ZBTB3: variants seen among roughly 807,000 people sequenced by gnomAD.
ZBTB3 encodes zinc finger and BTB domain containing 3.
A neutral mutation model predicts 30.6 loss-of-function variants in ZBTB3; 15 were observed. The ratio of observed to expected loss-of-function variants is 0.49; its 90% CI spans 0.33 to 0.75. ZBTB3 has a LOEUF of 0.75. ZBTB3 is among the 30% of genes least tolerant of loss of function. The probability of loss-of-function intolerance (pLI) is 0.02; values close to 1 mark genes in which losing one functional copy is unlikely to be tolerated. For missense variants in ZBTB3, 599 were observed against 652.1 expected (o/e 0.92, Z 0.89); for synonymous variants, 258 against 261.7 (o/e 0.99, Z 0.14).
At chr11:62,753,794 C>G (rs373071045) in intron 1 of ZBTB3, 79 bp from the exon 2 acceptor site, 1 of 1,538,514 alleles carries the variant, frequency 6.5e-7, no homozygotes. Context: ...CTTGCCACTC[C>G]AAAACAATCG....
Position 62,753,233 on chromosome 11 carries a change from C to T in ZBTB3, c.432G>A (p.Glu144=). 1 of 1,614,196 alleles carries T rather than the reference C, an allele frequency of 6.2e-7. No homozygotes were observed. Among genetic ancestry groups the T allele is most frequent in the Non-Finnish European group, 8.5e-7 (1 of 1,180,048 alleles). ...EETNSQLPSL[E]FLSSTSRGTQ... ...TGCCACGGGAAGTACTAGACAAAAACTCCAAACTAGGAAGCTGTGAGTTGG... is the reference window on the plus strand; with the variant it reads ...TGCCACGGGAAGTACTAGACAAAAATTCCAAACTAGGAAGCTGTGAGTTGG... The change falls in exon 2 of 2, where the codon GAG becomes GAA. Residue 144 remains glutamate (E), a synonymous_variant. Transcript: ENST00000394807.
At position 62,751,899 on chromosome 11, in the gene ZBTB3, C is replaced by A. The variant is rs1037496743; in HGVS notation, c.*191G>T. The A allele has an allele frequency of 2.0e-6, 1 of 512,218 alleles. No individual in the cohort carries two copies. Among genetic ancestry groups the A allele is most frequent in the Non-Finnish European group, 3.3e-6 (1 of 303,240 alleles). The allele number at this position is 512,218 out of a possible 1,614,324, so 31.7% of individuals were successfully genotyped here. A position where few individuals can be genotyped will look rare whatever the true frequency, so the allele number is the denominator to read the frequency against. Reference sequence around the variant, plus strand: ...GCAGTGAGCCGAGATCGCGCCACTGCACTCCAGTCTGGGTGACAGAGTGAG... The same window carrying A: ...GCAGTGAGCCGAGATCGCGCCACTGAACTCCAGTCTGGGTGACAGAGTGAG... On this transcript the variant is annotated 3_prime_UTR_variant, in exon 2 of 2. Transcript: ENST00000394807.
In ZBTB3 at chr11:62,753,959, C is replaced by G. The variant is rs368319142; in HGVS notation, c.-52+5G>C. The G allele has an allele frequency of 6.2e-7, 1 of 1,613,656 alleles. No individual in the cohort carries two copies. The highest frequency in any genetic ancestry group is 1.3e-5 in the African/African-American group (1 of 74,832). ...TTAGCCACCCTCCGCTTCCTTGATG[C>G]CCACCCGGTAGCGTCCAACGGCTCC... On this transcript the variant is annotated splice_donor_5th_base_variant and intron_variant, in intron 1 of 1. Transcript: ENST00000394807.
Position 62,752,633 on chromosome 11 carries a change from T to C in ZBTB3, c.1032A>G (p.Pro344=), listed in dbSNP as rs368352059. 282 of 1,614,110 alleles carry C rather than the reference T, an allele frequency of 1.7e-4. 1 individual carries two copies. The highest frequency in any genetic ancestry group is 3.3e-5 in the Non-Finnish European group (39 of 1,180,054). The stretch of plus-strand genomic sequence containing the variant: ...CTGCCCCTGGGTCTTCAAAAGCCTC[T>C]GGCTGGGAGGGCTGTGCCCCATACA... ...GAVYGAQPSQ[P]EAFEDPGAAG... is the part of the protein sequence containing the mutation. Residue 344 remains proline, a synonymous_variant, in exon 2 of 2, where the codon CCA becomes CCG. Transcript: ENST00000394807.
rs1277357908 is a variant in ZBTB3, at chr11:62,751,360, T to C, written c.*730A>G. The C allele has an allele frequency of 6.9e-6, 1 of 144,568 alleles. No individual in the cohort carries two copies. The highest frequency in any genetic ancestry group is 1.5e-5 in the Non-Finnish European group (1 of 65,696). The allele number at this position is 144,568 out of a possible 1,614,324, so 9.0% of individuals were successfully genotyped here. Reference sequence around the variant, plus strand: ...GGCTCAAGCCTGTAATCCCAGCACTTTGGGAGGCTGAGGCGGGTGGATCAC... The same window carrying C: ...GGCTCAAGCCTGTAATCCCAGCACTCTGGGAGGCTGAGGCGGGTGGATCAC... On this transcript the variant is annotated 3_prime_UTR_variant, in exon 2 of 2. Coordinates refer to ENST00000394807, the MANE Select transcript of ZBTB3 (RefSeq NM_001370809.1).
Position 62,752,212 on chromosome 11 carries a change from G to C in ZBTB3, c.1453C>G (p.Pro485Ala). Reference protein sequence around the residue: ...EDLAKRSKPDPEVGPLLGVQP... With the variant: ...EDLAKRSKPDAEVGPLLGVQP... ...ACCCCTAGAAGGGGTCCCACTTCTGGATCTGGTTTGCTGCGTTTGGCCAGG... is the reference window on the plus strand; with the variant it reads ...ACCCCTAGAAGGGGTCCCACTTCTGCATCTGGTTTGCTGCGTTTGGCCAGG... Residue 485 changes from proline to alanine, a missense_variant, in exon 2 of 2, where the codon CCA (proline) becomes GCA (alanine). Physicochemically the swap from Pro to Ala is conservative, Grantham distance 27 (BLOSUM62 -1). Transcript: ENST00000394807. 1 of 1,614,198 alleles carries C rather than the reference G, an allele frequency of 6.2e-7. No homozygotes were observed. The highest frequency in any genetic ancestry group is 8.5e-7 in the Non-Finnish European group (1 of 1,180,030).
In ZBTB3 at chr11:62,752,576, G is replaced by C. The variant is rs1242540918; in HGVS notation, c.1089C>G (p.His363Gln). ...GTAGATGAGGGTCTGTTGGCAGGAA[G>C]TGGTCACTTGGCCCCACCTCCTCCA... ...AGLEEVGPSD[H>Q]FLPTDPHLPY... Residue 363 changes from histidine (H) to glutamine (Q), a missense_variant, in exon 2 of 2, where the codon CAC (histidine) becomes CAG (glutamine). By Grantham distance (24) the His-to-Gln change is conservative. Coordinates refer to ENST00000394807, the MANE Select transcript of ZBTB3 (RefSeq NM_001370809.1). 2.5e-6 allele frequency: 4 copies of C among 1,614,098 alleles called. No homozygotes were observed. In the African/African-American group the frequency reaches 5.3e-5, roughly 22 times the overall value.
chr11:62,753,823 T>A, intron 1 of ZBTB3, 108 bp from the exon 2 acceptor site: 2 of 1,523,936 alleles, frequency 1.3e-6, no homozygotes, highest in Non-Finnish European at 1.8e-6. Flanking sequence ...ACTGCCCTTC[T>A]TTCTCCTAGG....
chr11:62,752,871 C>T lies in ZBTB3; in HGVS notation c.794G>A (p.Gly265Glu), dbSNP rs143334355. 2 of 1,614,130 alleles carry T rather than the reference C, an allele frequency of 1.2e-6. No homozygotes were observed. The highest frequency in any genetic ancestry group is 1.7e-5 in the Admixed American group (1 of 60,000). The change falls in exon 2 of 2, where the codon GGA (glycine) becomes GAA (glutamate). Residue 265 changes from glycine (G) to glutamate (E), a missense_variant. Transcript: ENST00000394807. ...GGGATAGAAGCCTTGCAGTGGTCCT[C>T]CAGGATCCTTTGGTTCCACCACCCT... ...SLRVVEPKDP[G>E]GPLQGFYPPA...
Position 62,752,468 on chromosome 11 carries a change from C to T in ZBTB3, c.1197G>A (p.Glu399=). ...SPLPAPASLH[E]PLYLSSEYEA... ...CGTACTCAGAAGACAGGTAAAGTGG[C>T]TCATGCAGGGATGCGGGTGCAGGCA... is the stretch of plus-strand genomic sequence containing the variant. Residue 399 remains glutamate (E), a synonymous_variant, in exon 2 of 2, where the codon GAG becomes GAA. Transcript: ENST00000394807. The T allele has an allele frequency of 6.2e-7, 1 of 1,614,186 alleles. No individual in the cohort carries two copies. Among genetic ancestry groups the T allele is most frequent in the Non-Finnish European group, 8.5e-7 (1 of 1,180,046 alleles).
Position 62,751,861 on chromosome 11 carries a change from G to A in ZBTB3, c.*229C>T, listed in dbSNP as rs1156828390. ...GAGGCAGGAGAATGGCGTGAATCGG[G>A]GAGGCTGAGCTTGCAGTGAGCCGAG... On this transcript the variant is annotated 3_prime_UTR_variant, in exon 2 of 2. Transcript: ENST00000394807. The A allele has an allele frequency of 2.8e-6, 1 of 360,298 alleles. No homozygotes were observed. The highest frequency in any genetic ancestry group is 6.1e-5 in the South Asian group (1 of 16,364). 22.3% of individuals were successfully genotyped at this position (360,298 alleles called of 1,614,324 possible).
chr11:62,752,540 C>A lies in ZBTB3; in HGVS notation c.1125G>T (p.Leu375=), dbSNP rs1565178583. ...GATGATACTGCCCTGCACCTGGCAG[C>A]AGATGGTAGGGTAGATGAGGGTCTG... is the stretch of plus-strand genomic sequence containing the variant. ...LPTDPHLPYH[L]LPGAGQYHRG... Residue 375 remains leucine (L), a synonymous_variant, in exon 2 of 2, where the codon CTG becomes CTT. Coordinates refer to ENST00000394807, the MANE Select transcript of ZBTB3 (RefSeq NM_001370809.1). 2 of 1,614,188 alleles carry A rather than the reference C, an allele frequency of 1.2e-6. No individual in the cohort carries two copies. Among genetic ancestry groups the A allele is most frequent in the Non-Finnish European group, 1.7e-6 (2 of 1,180,036 alleles).
In ZBTB3 at chr11:62,751,728, A is replaced by G. The variant is rs941967044; in HGVS notation, c.*362T>C. ...ATCACGAGGTCAGATCTGTCAGAAG[A>G]TCGAGACCATCCTGGCTAACACGGT... On this transcript the variant is annotated 3_prime_UTR_variant, in exon 2 of 2. Coordinates refer to ENST00000394807, the MANE Select transcript of ZBTB3 (RefSeq NM_001370809.1). 3.1e-5 allele frequency: 5 copies of G among 162,804 alleles called. No homozygotes were observed. The highest frequency in any genetic ancestry group is 1.8e-4 in the East Asian group (1 of 5,558). 10.1% of individuals were successfully genotyped at this position (162,804 alleles called of 1,614,324 possible).
chr11:62,754,138 C>G lies in ZBTB3; in HGVS notation c.-226G>C, dbSNP rs1380799096. The G allele has an allele frequency of 1.4e-6, 2 of 1,441,860 alleles. No individual in the cohort carries two copies. Among genetic ancestry groups the G allele is most frequent in the Non-Finnish European group, 1.9e-6 (2 of 1,025,758 alleles). The allele number at this position is 1,441,860 out of a possible 1,614,324, so 89.3% of individuals were successfully genotyped here. ...AGAAAGCTGATACCTCACCCACCAC[C>G]GAGCAGCCACAGGGCGAGCTCCGCC... On this transcript the variant is annotated 5_prime_UTR_variant, in exon 1 of 2. Coordinates refer to ENST00000394807, the MANE Select transcript of ZBTB3 (RefSeq NM_001370809.1).
rs757149785 is a variant in ZBTB3, at chr11:62,752,355, AGTGT to A, written c.1306_1309del (p.Thr436TyrfsTer55). ...TGTGTGCACCGTGGCATGTCGCCGT[AGTGT>A]GTAAGAGCATGAGAAGGTCTTCCCA... On this transcript the variant is annotated frameshift_variant, in exon 2 of 2. Transcript: ENST00000394807. LOFTEE classifies it high-confidence loss of function. 6.2e-7 allele frequency: 1 copy of A among 1,614,156 alleles called. No individual in the cohort carries two copies. The highest frequency in any genetic ancestry group is 1.1e-5 in the South Asian group (1 of 91,090).
In ZBTB3 at chr11:62,754,146, C is replaced by T. The variant is rs2084044243; in HGVS notation, c.-234G>A. ...GATACCTCACCCACCACCGAGCAGC[C>T]ACAGGGCGAGCTCCGCCCCTTCCCA... On this transcript the variant is annotated 5_prime_UTR_variant, in exon 1 of 2. Transcript: ENST00000394807. The T allele has an allele frequency of 2.9e-6, 4 of 1,377,218 alleles. No homozygotes were observed. The highest frequency in any genetic ancestry group is 1.4e-5 in the African/African-American group (1 of 70,300). The allele number at this position is 1,377,218 out of a possible 1,614,324, so 85.3% of individuals were successfully genotyped here.
chr11:62,752,997 C>T lies in ZBTB3; in HGVS notation c.668G>A (p.Ser223Asn). 1.2e-6 allele frequency: 2 copies of T among 1,614,128 alleles called. No individual in the cohort carries two copies. The highest frequency in any genetic ancestry group is 1.7e-6 in the Non-Finnish European group (2 of 1,180,002). Residue 223 changes from serine to asparagine, a missense_variant, in exon 2 of 2, where the codon AGT becomes AAT. By Grantham distance (46) the Ser-to-Asn change is conservative. Transcript: ENST00000394807. ...PVADVSLASP[S>N]SSTETIPTNY... Reference sequence around the variant, plus strand: ...TGTAGGAATGGTCTCAGTGGAGCTACTAGGGCTGGCAAGAGAGACATCAGC... The same window carrying T: ...TGTAGGAATGGTCTCAGTGGAGCTATTAGGGCTGGCAAGAGAGACATCAGC...
rs530594812 is a variant in ZBTB3, at chr11:62,751,186, G to C, written c.*904C>G. On this transcript the variant is annotated 3_prime_UTR_variant, in exon 2 of 2. Coordinates refer to ENST00000394807, the MANE Select transcript of ZBTB3 (RefSeq NM_001370809.1). ...AAGGCCAAGGTGGGCAGATCACCTG[G>C]GGTCAGGAATTTGAGACCAGCCTGG... 2 of 152,322 alleles carry C rather than the reference G, an allele frequency of 1.3e-5. 1 individual carries two copies. The highest frequency in any genetic ancestry group is 4.8e-5 in the African/African-American group (2 of 41,522). 9.4% of individuals were successfully genotyped at this position (152,322 alleles called of 1,614,324 possible).
chr11:62,753,313 GCCGCTTACACA>G lies in ZBTB3; in HGVS notation c.341_351del (p.Val114AlafsTer25). Reference sequence around the variant, plus strand: ...TCTGCCAGGGCCCGGGCTTGAAGCCGCCGCTTACACACCTTGACGATGTCATTCATGTGCAA... The same window carrying G: ...TCTGCCAGGGCCCGGGCTTGAAGCCGCCTTGACGATGTCATTCATGTGCAA... On this transcript the variant is annotated frameshift_variant, in exon 2 of 2. Coordinates refer to ENST00000394807, the MANE Select transcript of ZBTB3 (RefSeq NM_001370809.1). LOFTEE classifies it high-confidence loss of function. 1.2e-6 allele frequency: 2 copies of G among 1,614,002 alleles called. No individual in the cohort carries two copies. Among genetic ancestry groups the G allele is most frequent in the Non-Finnish European group, 1.7e-6 (2 of 1,180,032 alleles).
Sources: gnomAD v4.1 joint callset for allele counts on GRCh38, gnomAD v4.1.1 for gene constraint, MANE v1.5 for transcripts, NCBI Gene and HGNC (gene_info 2026-07-23, HGNC 2026-07-21) for gene names.